Variants in RTN4RL1 observed in about 807,000 individuals in gnomAD.
RTN4RL1 encodes the protein reticulon-4 receptor-like 1.
In RTN4RL1, 7 loss-of-function variants were observed where a neutral mutation model predicts 25.6. The observed-to-expected ratio is 0.27, with a 90% CI of 0.16 to 0.51. The LOEUF is 0.51. Ranked by LOEUF, RTN4RL1 falls within the 20% of genes least tolerant of loss-of-function variation. The pLI, the probability that RTN4RL1 is intolerant of heterozygous loss-of-function variation, is 0.97. For missense variants in RTN4RL1, 500 were observed against 615.6 expected (o/e 0.81, Z 1.99); for synonymous variants, 297 against 288.2 (o/e 1.03, Z -0.31).
intron 1 of RTN4RL1, among the ~76,000 whole-genome samples, chr17:1,989,550 T>C (rs1201116519): frequency 1.3e-5 from 2 of 151,068 alleles, no homozygotes; most frequent in Admixed American, 1.3e-4. Flanking sequence ...AGCCGGGGAG[T>C]GGGGGTGTCA....
intron 1 of RTN4RL1, among the ~76,000 whole-genome samples, chr17:1,951,586 G>T (rs1238869498): frequency 6.6e-6 from 1 of 152,008 alleles, no homozygotes; most frequent in Admixed American, 6.6e-5. Context: ...GAGTAGCTGG[G>T]ATTACAGGCA....
rs1323277246 is a variant in RTN4RL1 at position 1,971,961 on chromosome 17, C to CAAAAAA, written c.14-34159_14-34154dup. On this transcript the variant is annotated intron_variant, in intron 1 of 1. Transcript: ENST00000331238. ...TGGGCGACAGAGCCAGACTCCCTCT[C>CAAAAAA]AAAAAAAAAAAAAAAAAATTTTAAA... 7.4e-4 allele frequency among the ~76,000 whole-genome samples: 44 copies of CAAAAAA among 59,862 alleles called. 1 individual carries two copies. The highest frequency in any genetic ancestry group is 1.3e-3 in the Admixed American group (7 of 5,546). 39.3% of individuals were successfully genotyped at this position (59,862 alleles called of 152,430 possible).
chr17:2,016,192 C>T (rs2067120389), intron 1 of RTN4RL1, among the ~76,000 whole-genome samples: 1 of 152,112 alleles, frequency 6.6e-6, no homozygotes, highest in South Asian at 2.1e-4. Flanking sequence ...ACCAGCCTGG[C>T]CAACATAGTG....
rs568291094 is a variant in RTN4RL1, at chr17:2,014,833, A to G, written c.13+10020T>C. On this transcript the variant is annotated intron_variant, in intron 1 of 1. Transcript: ENST00000331238. Reference sequence around the variant, plus strand: ...GACGACAGGGAAGGACTCCATCTCAAAGGAAAAAAAAAAAAAGAACATGAT... The same window carrying G: ...GACGACAGGGAAGGACTCCATCTCAGAGGAAAAAAAAAAAAAGAACATGAT... Among the ~76,000 whole-genome samples the G allele has an allele frequency of 3.3e-3, 492 of 148,988 alleles. 3 individuals are homozygous for G. Among genetic ancestry groups the G allele is most frequent in the African/African-American group, 0.012 (478 of 39,518 alleles).
At chr17:1,977,961 C>T (rs958546372) in intron 1 of RTN4RL1, among the ~76,000 whole-genome samples, 19 of 151,174 alleles carry the variant, frequency 1.3e-4, no homozygotes, top group Middle Eastern at 3.4e-3. Context: ...ATCCTGCATC[C>T]TGCACCCCGC....
chr17:1,943,964 C>A (rs929313609), intron 1 of RTN4RL1, among the ~76,000 whole-genome samples: 5 of 151,974 alleles, frequency 3.3e-5, no homozygotes, highest in African/African-American at 1.2e-4. Context: ...CTTGCTCTGT[C>A]GCCTGGGCAG....
chr17:1,977,976 C>G (rs1305514211), intron 1 of RTN4RL1, among the ~76,000 whole-genome samples: 1 of 151,672 alleles, frequency 6.6e-6, no homozygotes, highest in Non-Finnish European at 1.5e-5. Flanking sequence ...CCCCGCACCC[C>G]TCATCCCGCA....
chr17:2,021,307 A>G (rs980260256), intron 1 of RTN4RL1, among the ~76,000 whole-genome samples: 2 of 151,846 alleles, frequency 1.3e-5, no homozygotes, highest in African/African-American at 4.8e-5. Context: ...ATACCACTGC[A>G]CCCCTCACTG....
intron 1 of RTN4RL1, among the ~76,000 whole-genome samples, chr17:1,963,260 G>A (rs563326993): frequency 6.6e-6 from 1 of 152,362 alleles, no homozygotes; most frequent in Non-Finnish European, 1.5e-5. Flanking sequence ...AGAGCTGTCT[G>A]TGAGCCCCGT....
intron 1 of RTN4RL1, among the ~76,000 whole-genome samples, chr17:1,939,158 C>A (rs1292435789): frequency 6.6e-6 from 1 of 152,122 alleles, no homozygotes; most frequent in Admixed American, 6.5e-5. Flanking sequence ...CGAGACCATC[C>A]TGGCTAACAC....
chr17:1,985,842 T>C (rs2066885134), intron 1 of RTN4RL1, among the ~76,000 whole-genome samples: 1 of 151,948 alleles, frequency 6.6e-6, no homozygotes, highest in African/African-American at 2.4e-5. Flanking sequence ...TCTCTGCAAT[T>C]TGCATTTCAT....
chr17:2,018,544 C>G (rs1567532213), intron 1 of RTN4RL1, among the ~76,000 whole-genome samples: 1 of 152,202 alleles, frequency 6.6e-6, no homozygotes, highest in Non-Finnish European at 1.5e-5. Flanking sequence ...AATGAATCAG[C>G]AGCGCCCAGC....
At chr17:1,961,720 G>T (rs563829026) in intron 1 of RTN4RL1, among the ~76,000 whole-genome samples, 1 of 142,254 alleles carries the variant, frequency 7.0e-6, no homozygotes, top group Admixed American at 7.6e-5. Flanking sequence ...TTGAGGTCAG[G>T]AGTTCAAGAC....
intron 1 of RTN4RL1, among the ~76,000 whole-genome samples, chr17:1,946,860 G>C (rs946466463): frequency 1.3e-5 from 1 of 76,932 alleles, no homozygotes; most frequent in African/African-American, 4.8e-5. Context: ...ATGTGTGTCT[G>C]TGTGCACGTG....
intron 1 of RTN4RL1, among the ~76,000 whole-genome samples, chr17:1,992,838 G>A (rs1239057336): frequency 1.3e-5 from 2 of 152,212 alleles, no homozygotes; most frequent in African/African-American, 2.4e-5. Flanking sequence ...GCCTGCTGAC[G>A]ATGGCTGCCA....
intron 1 of RTN4RL1, among the ~76,000 whole-genome samples, chr17:1,941,428 T>C (rs889641945): frequency 1.3e-5 from 2 of 151,406 alleles, no homozygotes; most frequent in African/African-American, 4.9e-5. Context: ...GCCCCTCCTC[T>C]GAGAGGGCTC....
intron 1 of RTN4RL1, among the ~76,000 whole-genome samples, chr17:1,992,627 C>T (rs963058521): frequency 3.3e-5 from 5 of 152,222 alleles, no homozygotes; most frequent in African/African-American, 7.2e-5. Context: ...GCTGGGAAAG[C>T]TCCCTGTGCT....
chr17:1,955,837 G>A (rs898090369), intron 1 of RTN4RL1, among the ~76,000 whole-genome samples: 1 of 151,738 alleles, frequency 6.6e-6, no homozygotes, highest in African/African-American at 2.4e-5. Context: ...GCCCGCCTCA[G>A]CCTCCCAACG....
At position 1,998,300 on chromosome 17, in the gene RTN4RL1, C is replaced by A. The variant is rs963350812; in HGVS notation, c.13+26553G>T. ...CCCCAAGGCCTCCCGCAGGCCGACC[C>A]GAGCCGAGCGCGCCCTTTGGGCACC... On this transcript the variant is annotated intron_variant, in intron 1 of 1. Coordinates refer to ENST00000331238, the MANE Select transcript of RTN4RL1 (RefSeq NM_178568.4). This position sits in a 1 kb window ranked among gnomAD's most constrained non-coding sequence, Gnocchi z 4.9. Among the ~76,000 whole-genome samples, 1 of 152,176 alleles carries A rather than the reference C, an allele frequency of 6.6e-6. No individual in the cohort carries two copies. The highest frequency in any genetic ancestry group is 2.4e-5 in the African/African-American group (1 of 41,456).
Sources: allele counts gnomAD v4.1 joint callset (sites outside exome capture counted in the v4.1 genomes callset), GRCh38; gene constraint gnomAD v4.1.1; non-coding constraint Gnocchi (gnomAD v3.1); transcripts MANE v1.5; gene names NCBI Gene and HGNC (gene_info 2026-07-23, HGNC 2026-07-21).